Variants in TANGO2 observed in about 807,000 individuals in gnomAD.
TANGO2 encodes transport and golgi organization 2 homolog.
Under a neutral mutation model 39.1 loss-of-function variants are expected in TANGO2, and 26 were observed. The observed-to-expected ratio is 0.67, with a 90% CI of 0.49 to 0.92. TANGO2 has a LOEUF of 0.92. TANGO2 is among the 40% of genes least tolerant of loss of function. The pLI is 0.00. For synonymous variants in TANGO2, 131 were observed against 144.5 expected (o/e 0.91, Z 0.67); for missense variants, 326 against 360.1 (o/e 0.91, Z 0.77).
At chr22:20,061,883 C>A in intron 7 of TANGO2, 200 bp downstream of exon 7, 1 of 694,808 alleles carries the variant, frequency 1.4e-6, no homozygotes, top group Non-Finnish European at 2.3e-6. Context: ...CTTTTGATGA[C>A]AGAAGATGGG....
At position 20,053,639 on chromosome 22, in the gene TANGO2, G is replaced by T; in HGVS notation, c.380+88G>T. 1.1e-6 allele frequency: 1 copy of T among 871,788 alleles called. No individual in the cohort carries two copies. The highest frequency in any genetic ancestry group is 1.3e-5 in the South Asian group (1 of 74,100). 54.0% of individuals were successfully genotyped at this position (871,788 alleles called of 1,614,324 possible). A position where few individuals can be genotyped will look rare whatever the true frequency, so the allele number is the denominator to read the frequency against. ...TCATCAGGAAGTGGGGTTCCACTGG[G>T]GGCTGTGGCAGCCTCTCCAGGGACG... On this transcript the variant is annotated intron_variant, in intron 5 of 8. Coordinates refer to ENST00000327374, the MANE Select transcript of TANGO2 (RefSeq NM_152906.7).
intron 5 of TANGO2, chr22:20,054,202 A>AT (rs1451222127): frequency 1.4e-5 from 3 of 211,866 alleles, no homozygotes; most frequent in Non-Finnish European, 2.9e-5. Flanking sequence ...TGTGTGTGGC[A>AT]TGCCCAGCCC....
intron 1 of TANGO2, among the ~76,000 whole-genome samples, chr22:20,025,970 A>G (rs547995305): frequency 4.6e-5 from 7 of 152,366 alleles, no homozygotes; most frequent in East Asian, 1.9e-4. Flanking sequence ...CCATGTGACT[A>G]GAAGTCCAGG....
chr22:20,039,346 C>G (rs1015403381), intron 2 of TANGO2, among the ~76,000 whole-genome samples: 1 of 151,760 alleles, frequency 6.6e-6, no homozygotes, highest in Admixed American at 6.6e-5. Context: ...TGCCTGTTTA[C>G]AGCCGGGTGC....
In TANGO2 at chr22:20,061,556, C is replaced by G. The variant is rs1160823727; in HGVS notation, c.478C>G (p.Leu160Val). The G allele has an allele frequency of 1.9e-6, 3 of 1,606,644 alleles. No homozygotes were observed. In the African/African-American group the frequency reaches 4.0e-5, roughly 21 times the overall value. The change falls in exon 7 of 9, where the codon CTG becomes GTG. Residue 160 changes from leucine to valine, a missense_variant. Coordinates refer to ENST00000327374, the MANE Select transcript of TANGO2 (RefSeq NM_152906.7). ...CACCTACGGGCTGAGCAACGCGCTG[C>G]TGGAGACTCCCTGGAGGAAGCTGTG... Reference protein sequence around the residue: ...PGTYGLSNALLETPWRKLCFG... With the variant: ...PGTYGLSNALVETPWRKLCFG...
chr22:20,023,489 C>T (rs992725132), intron 1 of TANGO2, among the ~76,000 whole-genome samples: 2 of 152,168 alleles, frequency 1.3e-5, no homozygotes, highest in African/African-American at 4.8e-5. Flanking sequence ...GACAGTGATC[C>T]TCTGGTGTGA....
At chr22:20,024,314 T>C (rs5746852) in intron 1 of TANGO2, among the ~76,000 whole-genome samples, 55,834 of 152,136 alleles carry the variant, frequency 0.37, 10,460 homozygotes, top group African/African-American at 0.42. Flanking sequence ...TGCAGTGGAC[T>C]GGAGACTCAG....
chr22:20,019,363 G>C (rs2039405279), upstream of TANGO2: 1 of 152,256 alleles, frequency 6.6e-6, no homozygotes, highest in Non-Finnish European at 1.5e-5. Flanking sequence ...GCCTGTTGCA[G>C]CCCCAAGATC....
chr22:20,062,068 G>C (rs1402887860), intron 7 of TANGO2, among the ~76,000 whole-genome samples: 3 of 152,228 alleles, frequency 2.0e-5, no homozygotes, highest in Non-Finnish European at 2.9e-5. Flanking sequence ...ATGGAAATGA[G>C]TGGCTAGGGT....
At chr22:20,023,909 C>T (rs560521279) in intron 1 of TANGO2, among the ~76,000 whole-genome samples, 154 of 151,314 alleles carry the variant, frequency 1.0e-3, no homozygotes, top group African/African-American at 3.7e-3. Context: ...AGGCCCGGCA[C>T]GGTGGCTCAC....
chr22:20,022,929 G>A (rs954689902), intron 1 of TANGO2, among the ~76,000 whole-genome samples: 2 of 152,256 alleles, frequency 1.3e-5, no homozygotes, highest in African/African-American at 4.8e-5. Context: ...TCAGCACATG[G>A]CAGCAGCATG....
intron 3 of TANGO2, 29 bp from the exon 4 acceptor site, chr22:20,052,436 A>G (rs766683042): frequency 6.3e-7 from 1 of 1,578,916 alleles, no homozygotes; most frequent in Non-Finnish European, 8.6e-7. Context: ...GGGTGGCATC[A>G]ATGGTGGTAA....
chr22:20,056,327 G>A (rs1016133311), intron 6 of TANGO2: 2 of 589,188 alleles, frequency 3.4e-6, no homozygotes, highest in African/African-American at 3.7e-5. Context: ...AGTGTGCCCT[G>A]TGCCTGTTCC....
chr22:20,028,839 G>A (rs1413813697), intron 1 of TANGO2, among the ~76,000 whole-genome samples: 2 of 152,136 alleles, frequency 1.3e-5, no homozygotes, highest in South Asian at 2.1e-4. Context: ...CATGGCCCTC[G>A]TCCCCCTTGC....
rs558038734 is a variant in TANGO2, at chr22:20,026,568, C to G, written c.-40+5322C>G. 2.6e-5 allele frequency among the ~76,000 whole-genome samples: 4 copies of G among 152,376 alleles called. No individual in the cohort carries two copies. The South Asian group carries it at 6.2e-4, about 24-fold the overall frequency. On this transcript the variant is annotated intron_variant, in intron 1 of 8. Coordinates refer to ENST00000327374, the MANE Select transcript of TANGO2 (RefSeq NM_152906.7). ...AGGCTATTTCTACTAGACAGCATCACAGGCAGAGCTGAAAGGCAGGGGATG... is the reference window on the plus strand; with the variant it reads ...AGGCTATTTCTACTAGACAGCATCAGAGGCAGAGCTGAAAGGCAGGGGATG...
intron 2 of TANGO2, among the ~76,000 whole-genome samples, chr22:20,039,910 T>C (rs2043591314): frequency 7.0e-6 from 1 of 142,796 alleles, no homozygotes; most frequent in South Asian, 2.2e-4. Flanking sequence ...TCACCCTGCC[T>C]AGCAGCGTGG....
chr22:20,023,833 G>A (rs1193623482), intron 1 of TANGO2, among the ~76,000 whole-genome samples: 1 of 149,638 alleles, frequency 6.7e-6, no homozygotes, highest in Admixed American at 6.7e-5. Context: ...ACTCCAGCCT[G>A]GGCAACAGAG....
chr22:20,026,399 A>AAG (rs2040763450), intron 1 of TANGO2, among the ~76,000 whole-genome samples: 1 of 3,100 alleles, frequency 3.2e-4, no homozygotes, highest in African/African-American at 7.7e-3. Context: ...CTTCGTCTCA[A>AAG]AAAAAAAAAA....
intron 6 of TANGO2, among the ~76,000 whole-genome samples, chr22:20,058,914 C>G (rs1362547149): frequency 6.6e-6 from 1 of 152,176 alleles, no homozygotes; most frequent in Non-Finnish European, 1.5e-5. Context: ...ATACATGTAA[C>G]ATACATCCCA....
Sources: gnomAD v4.1 joint callset for allele counts (sites outside exome capture counted in the v4.1 genomes callset) on GRCh38, gnomAD v4.1.1 for gene constraint, MANE v1.5 for transcripts, NCBI Gene and HGNC (gene_info 2026-07-23, HGNC 2026-07-21) for gene names.